AP3B1: variants seen among roughly 807,000 people sequenced by gnomAD.
AP3B1 encodes the protein AP-3 complex subunit beta-1.
In AP3B1, 61 loss-of-function variants were observed where a neutral mutation model predicts 132.5. The observed-to-expected ratio is 0.46, with a 90% CI of 0.37 to 0.57. The LOEUF (loss-of-function observed/expected upper bound fraction) is 0.57, where lower values mean the gene tolerates loss of function less well. Among genes scored for constraint, AP3B1 ranks in the 20% least tolerant of loss-of-function variants. The probability of loss-of-function intolerance (pLI) is 0.00; values close to 1 mark genes in which losing one functional copy is unlikely to be tolerated. For missense variants in AP3B1, 1,120 were observed against 1,289.4 expected, an observed-to-expected ratio of 0.87 and a Z score of 2.01; for synonymous variants, 388 against 438.3, an observed-to-expected ratio of 0.89 and a Z score of 1.43.
At chr5:78,195,652 T>C (rs1745051632) in intron 7 of AP3B1, among the ~76,000 whole-genome samples, 1 of 152,010 alleles carries the variant, frequency 6.6e-6, no homozygotes. Context: ...ACCCTGTCTC[T>C]AATAAAAATA....
At chr5:78,149,280 G>A (rs1290300892) in intron 14 of AP3B1, among the ~76,000 whole-genome samples, 1 of 152,166 alleles carries the variant, frequency 6.6e-6, no homozygotes. Context: ...GGTTAAGAAA[G>A]CAGACCTGCT....
At chr5:78,116,727 T>C (rs1257022767) in intron 17 of AP3B1, among the ~76,000 whole-genome samples, 2 of 152,068 alleles carry the variant, frequency 1.3e-5, no homozygotes, top group Non-Finnish European at 2.9e-5. Flanking sequence ...TCTCATATCC[T>C]AAACATCTAA....
chr5:78,129,537 G>A (rs563171380), intron 15 of AP3B1, among the ~76,000 whole-genome samples: 3 of 152,022 alleles, frequency 2.0e-5, no homozygotes, highest in Non-Finnish European at 1.5e-5. Context: ...CCATGTGCTA[G>A]ATTATTAAAC....
chr5:78,062,136 T>G (rs956350243), intron 22 of AP3B1, among the ~76,000 whole-genome samples: 1 of 152,244 alleles, frequency 6.6e-6, no homozygotes, highest in African/African-American at 2.4e-5. Context: ...AAGCTTTGTA[T>G]TTTCCTCCTA....
At chr5:78,146,395 T>C (rs926471457) in intron 14 of AP3B1, among the ~76,000 whole-genome samples, 3 of 152,242 alleles carry the variant, frequency 2.0e-5, no homozygotes, top group East Asian at 1.9e-4. Context: ...TCAGATACGT[T>C]AGATGAGCAG....
chr5:78,048,906 G>T (rs1460483617), intron 22 of AP3B1, among the ~76,000 whole-genome samples: 1 of 152,170 alleles, frequency 6.6e-6, no homozygotes, highest in Non-Finnish European at 1.5e-5. Context: ...AGCTTGTAAT[G>T]GGAGAATGCC....
chr5:78,032,844 G>C (rs1279316719), intron 24 of AP3B1, among the ~76,000 whole-genome samples: 1 of 151,816 alleles, frequency 6.6e-6, no homozygotes, highest in African/African-American at 2.4e-5. Flanking sequence ...CCTAATGTTA[G>C]TTTGAAAGAA....
chr5:78,215,048 A>G (rs1389880820), intron 7 of AP3B1, among the ~76,000 whole-genome samples: 3 of 152,148 alleles, frequency 2.0e-5, no homozygotes, highest in African/African-American at 7.2e-5. Context: ...ACATTTTATA[A>G]TAATTTGCAA....
chr5:78,098,130 G>A (rs929143341), intron 21 of AP3B1, among the ~76,000 whole-genome samples: 18 of 151,122 alleles, frequency 1.2e-4, no homozygotes, highest in Admixed American at 9.3e-4. Context: ...AGTACCCGGG[G>A]ACACAAACAC....
At chr5:78,097,345 C>A (rs1235485775) in intron 21 of AP3B1, among the ~76,000 whole-genome samples, 1 of 135,776 alleles carries the variant, frequency 7.4e-6, no homozygotes, top group African/African-American at 2.8e-5. Flanking sequence ...GGGGGGTCAG[C>A]CCCCTGCCCG....
In AP3B1 at chr5:78,278,628, G is replaced by GAA. The variant is rs1561217286; in HGVS notation, c.129-11034_129-11033insTT. 6.9e-3 allele frequency among the ~76,000 whole-genome samples: 295 copies of GAA among 42,636 alleles called. 7 individuals are homozygous for GAA. The highest frequency in any genetic ancestry group is 0.015 in the African/African-American group (195 of 13,304). The allele number at this position is 42,636 out of a possible 152,430, so 28.0% of individuals were successfully genotyped here. A position where few individuals can be genotyped will look rare whatever the true frequency, so the allele number is the denominator to read the frequency against. On this transcript the variant is annotated intron_variant, in intron 1 of 26. Transcript: ENST00000255194. Reference sequence around the variant, plus strand: ...AAAAAAAAAAAAAAAAAAAAAAAGGGGGGGGGGGACTAATTAATTATGAGG... The same window carrying GAA: ...AAAAAAAAAAAAAAAAAAAAAAAGGGAAGGGGGGGGACTAATTAATTATGAGG...
downstream of AP3B1, chr5:78,001,345 C>G (rs891686982): frequency 6.6e-6 from 1 of 152,152 alleles, no homozygotes; most frequent in African/African-American, 2.4e-5. Context: ...CAACGACCTG[C>G]GATTACAAAG....
At chr5:78,238,938 G>C (rs1265037100) in intron 3 of AP3B1, among the ~76,000 whole-genome samples, 1 of 149,532 alleles carries the variant, frequency 6.7e-6, no homozygotes, top group African/African-American at 2.5e-5. Context: ...GTGCACACTA[G>C]ATATAAACAG....
intron 7 of AP3B1, among the ~76,000 whole-genome samples, chr5:78,198,640 C>T (rs1164805620): frequency 1.3e-5 from 2 of 152,176 alleles, no homozygotes. Flanking sequence ...ATATCATCAC[C>T]CTGGGGCTAA....
intron 18 of AP3B1, among the ~76,000 whole-genome samples, chr5:78,114,159 C>T (rs1455979935): frequency 6.6e-6 from 1 of 152,166 alleles, no homozygotes; most frequent in Non-Finnish European, 1.5e-5. Context: ...GAGAGAAAAG[C>T]TAAGCAAAGG....
intron 2 of AP3B1, among the ~76,000 whole-genome samples, chr5:78,258,197 G>C (rs1747930497): frequency 1.3e-5 from 2 of 152,200 alleles, no homozygotes; most frequent in South Asian, 4.1e-4. Flanking sequence ...ACACAGCAAA[G>C]GACACGATCA....
intron 11 of AP3B1, 96 bp from the exon 12 acceptor site, chr5:78,165,768 T>C: frequency 1.1e-6 from 1 of 937,564 alleles, no homozygotes; most frequent in Non-Finnish European, 1.7e-6. Flanking sequence ...TTATTTCTAC[T>C]TTTAAAAATC....
At chr5:78,022,051 A>T (rs539504166) in intron 24 of AP3B1, among the ~76,000 whole-genome samples, 2 of 152,318 alleles carry the variant, frequency 1.3e-5, no homozygotes, top group East Asian at 3.9e-4. Context: ...CAAATGACAT[A>T]ATATAAAAAA....
intron 21 of AP3B1, among the ~76,000 whole-genome samples, chr5:78,090,354 T>C (rs1750458962): frequency 6.6e-6 from 1 of 152,250 alleles, no homozygotes; most frequent in Admixed American, 6.5e-5. Context: ...TACTGGACTA[T>C]TCAGGTCCAG....
Sources: allele counts gnomAD v4.1 joint callset (sites outside exome capture counted in the v4.1 genomes callset), GRCh38; gene constraint gnomAD v4.1.1; transcripts MANE v1.5; gene names NCBI Gene and HGNC (gene_info 2026-07-23, HGNC 2026-07-21).